TEAD1: variants seen among roughly 807,000 people sequenced by gnomAD.
TEAD1 encodes TEA domain transcription factor 1.
TEAD1 carries 9 observed loss-of-function variants against 54.9 expected under a neutral mutation model. The observed-to-expected ratio is 0.16, with a 90% CI of 0.10 to 0.29. TEAD1 has a LOEUF of 0.29. Ranked by LOEUF, TEAD1 falls within the 10% of genes least tolerant of loss-of-function variation. TEAD1 has a pLI of 1.00. For missense variants in TEAD1, 387 were observed against 535.9 expected (o/e 0.72, Z 2.74); for synonymous variants, 200 against 187.8 (o/e 1.07, Z -0.53).
At chr11:12,882,067 C>G (rs2134097948) in intron 8 of TEAD1, 110 bp downstream of exon 8, 1 of 1,198,846 alleles carries the variant, frequency 8.3e-7, no homozygotes, top group Admixed American at 1.8e-5. Context: ...CACAGCCGCA[C>G]ATTGCCCCTG....
chr11:12,707,846 G>T (rs952433583), intron 2 of TEAD1, among the ~76,000 whole-genome samples: 1 of 152,194 alleles, frequency 6.6e-6, no homozygotes, highest in African/African-American at 2.4e-5. Context: ...CAGGAAGATT[G>T]TTAGAAATAC....
At chr11:12,864,071 CAAA>C (rs35076560) in intron 4 of TEAD1, among the ~76,000 whole-genome samples, 47 of 140,332 alleles carry the variant, frequency 3.3e-4, no homozygotes, top group African/African-American at 7.2e-4. Context: ...TTTATAAGGG[CAAA>C]AAAAAAAAAA....
rs766289127 is a variant in TEAD1 at position 12,937,086 on chromosome 11, A to G, written c.1168-23A>G. The G allele has an allele frequency of 4.0e-6, 6 of 1,498,382 alleles. No homozygotes were observed. In the East Asian group the frequency reaches 9.1e-5, roughly 23 times the overall value. The allele number at this position is 1,498,382 out of a possible 1,614,324, so 92.8% of individuals were successfully genotyped here. On this transcript the variant is annotated intron_variant, in intron 12 of 12. Coordinates refer to ENST00000527636, the MANE Select transcript of TEAD1 (RefSeq NM_021961.6). Reference sequence around the variant, plus strand: ...TATGTTTTCATCCTTTTGGTATTATATACTTTTTTTTTATCTTAACAGGTG... The same window carrying G: ...TATGTTTTCATCCTTTTGGTATTATGTACTTTTTTTTTATCTTAACAGGTG...
At chr11:12,719,074 G>C (rs77554697) in intron 2 of TEAD1, among the ~76,000 whole-genome samples, 3,933 of 151,990 alleles carry the variant, frequency 0.026, 186 homozygotes, top group African/African-American at 0.091. Flanking sequence ...ATTCCCAGGG[G>C]TTGGGAAGCT....
At chr11:12,797,053 C>CA (rs1945945348) in intron 3 of TEAD1, among the ~76,000 whole-genome samples, 1 of 151,804 alleles carries the variant, frequency 6.6e-6, no homozygotes, top group African/African-American at 2.4e-5. Flanking sequence ...GCGGAGCTTG[C>CA]AGTGAGCCAA....
intron 5 of TEAD1, among the ~76,000 whole-genome samples, chr11:12,873,195 T>G (rs1947789226): frequency 6.6e-6 from 1 of 152,240 alleles, no homozygotes; most frequent in Non-Finnish European, 1.5e-5. Flanking sequence ...GGACTCACTC[T>G]GGAGCTTAAC....
At chr11:12,696,163 C>T (rs866767926) in intron 2 of TEAD1, among the ~76,000 whole-genome samples, 1 of 152,278 alleles carries the variant, frequency 6.6e-6, no homozygotes, top group African/African-American at 2.4e-5. Context: ...TAACAAAGGT[C>T]GGAGTTCATT....
intron 3 of TEAD1, among the ~76,000 whole-genome samples, chr11:12,809,634 T>G (rs924945139): frequency 1.3e-5 from 2 of 152,182 alleles, no homozygotes; most frequent in South Asian, 4.1e-4. Context: ...TCCCTGGTAG[T>G]GCCCTTTTTA....
Position 12,725,003 on chromosome 11 carries a change from G to A in TEAD1, c.-54-39176G>A, listed in dbSNP as rs568668789. Among the ~76,000 whole-genome samples, 120 of 152,264 alleles carry A rather than the reference G, an allele frequency of 7.9e-4. 1 individual carries two copies. The South Asian group carries it at 0.024, about 30-fold the overall frequency. ...TGATTTTAGCCTGGGAGTACACATG[G>A]GATTCCTCTGGCCTTTGCTTGAGTT... On this transcript the variant is annotated intron_variant, in intron 2 of 12. Transcript: ENST00000527636.
At chr11:12,705,950 A>G (rs1412345114) in intron 2 of TEAD1, among the ~76,000 whole-genome samples, 1 of 152,282 alleles carries the variant, frequency 6.6e-6, no homozygotes, top group South Asian at 2.1e-4. Context: ...TAGTGTGATT[A>G]CCCTCGTTTG....
At chr11:12,818,465 G>A (rs1467598889) in intron 3 of TEAD1, among the ~76,000 whole-genome samples, 2 of 152,108 alleles carry the variant, frequency 1.3e-5, no homozygotes, top group African/African-American at 4.8e-5. Flanking sequence ...GGCCTCCCTG[G>A]GGACATGTCT....
chr11:12,874,952 G>A (rs1947825587), intron 5 of TEAD1, among the ~76,000 whole-genome samples: 1 of 152,140 alleles, frequency 6.6e-6, no homozygotes, highest in Non-Finnish European at 1.5e-5. Flanking sequence ...GTGTGAACTT[G>A]TCCAAACATT....
intron 1 of TEAD1, 21 bp downstream of exon 1, chr11:12,674,855 G>C (rs536403492): frequency 4.0e-5 from 6 of 150,164 alleles, no homozygotes; most frequent in Admixed American, 1.3e-4. Flanking sequence ...GCGCGGGGCG[G>C]ATGCTGGGGT....
chr11:12,692,010 TTAGA>T (rs766867496), intron 2 of TEAD1, among the ~76,000 whole-genome samples: 29 of 152,194 alleles, frequency 1.9e-4, no homozygotes, highest in Non-Finnish European at 4.0e-4. Flanking sequence ...ATTTGTAGTT[TTAGA>T]TAGATTTATG....
chr11:12,721,610 C>G (rs537219910), intron 2 of TEAD1, among the ~76,000 whole-genome samples: 3 of 152,302 alleles, frequency 2.0e-5, no homozygotes, highest in South Asian at 2.1e-4. Flanking sequence ...ACGAACAGTT[C>G]TAAATACACA....
chr11:12,909,526 G>C (rs937557023), intron 10 of TEAD1, among the ~76,000 whole-genome samples: 1 of 152,038 alleles, frequency 6.6e-6, no homozygotes, highest in African/African-American at 2.4e-5. Context: ...GCCTGTTGCG[G>C]GGTGGGGGGC....
intron 5 of TEAD1, among the ~76,000 whole-genome samples, chr11:12,870,832 G>A (rs1428982077): frequency 6.6e-6 from 1 of 152,216 alleles, no homozygotes; most frequent in Non-Finnish European, 1.5e-5. Flanking sequence ...GTTGCAGTGA[G>A]CCGAGATTGT....
At chr11:12,713,293 T>C (rs896924041) in intron 2 of TEAD1, among the ~76,000 whole-genome samples, 1 of 152,214 alleles carries the variant, frequency 6.6e-6, no homozygotes. Context: ...GTGCTGGGAT[T>C]ATAGGCATGA....
intron 9 of TEAD1, among the ~76,000 whole-genome samples, chr11:12,884,752 A>G (rs1948051512): frequency 6.6e-6 from 1 of 152,182 alleles, no homozygotes; most frequent in African/African-American, 2.4e-5. Flanking sequence ...ACCAGGAAAG[A>G]GAAGAAAAGG....
Sources: gnomAD v4.1 joint callset for allele counts (sites outside exome capture counted in the v4.1 genomes callset) on GRCh38, gnomAD v4.1.1 for gene constraint, MANE v1.5 for transcripts, NCBI Gene and HGNC (gene_info 2026-07-23, HGNC 2026-07-21) for gene names.